Variants in RIMKLA observed in about 807,000 individuals in gnomAD.
The protein encoded by RIMKLA is N-acetylaspartylglutamate synthase A.
Under a neutral mutation model 32.7 loss-of-function variants are expected in RIMKLA, and 14 were observed. The observed-to-expected ratio is 0.43, with a 90% CI of 0.28 to 0.67. The LOEUF is 0.67. RIMKLA is among the 30% of genes least tolerant of loss of function. The probability of loss-of-function intolerance (pLI) is 0.18; values close to 1 mark genes in which losing one functional copy is unlikely to be tolerated. For missense variants in RIMKLA, 410 were observed against 519.0 expected (o/e 0.79, Z 2.04); for synonymous variants, 176 against 204.1 (o/e 0.86, Z 1.18).
intron 1 of RIMKLA, among the ~76,000 whole-genome samples, chr1:42,385,844 C>CTCTCTCTCTCTCTCTCTCTCTCTT (rs1184237388): frequency 3.5e-5 from 2 of 56,996 alleles, no homozygotes; most frequent in African/African-American, 1.3e-4. Context: ...TTCTTTCTTT[C>CTCTCTCTCTCTCTCTCTCTCTCTT]TCTTTCTTTC....
At chr1:42,407,388 T>C (rs1468104073) in intron 3 of RIMKLA, among the ~76,000 whole-genome samples, 1 of 152,220 alleles carries the variant, frequency 6.6e-6, no homozygotes, top group Admixed American at 6.5e-5. Flanking sequence ...GATGTCATTT[T>C]GTGCTTGCCT....
At chr1:42,395,610 C>T (rs1643036594) in intron 1 of RIMKLA, among the ~76,000 whole-genome samples, 1 of 152,176 alleles carries the variant, frequency 6.6e-6, no homozygotes. Context: ...TCCTGATATC[C>T]TGCATCAGCT....
intron 1 of RIMKLA, among the ~76,000 whole-genome samples, chr1:42,381,543 A>T (rs1642889193): frequency 6.6e-6 from 1 of 152,194 alleles, no homozygotes; most frequent in Admixed American, 6.5e-5. Context: ...TGTGAGCATC[A>T]GTAATGTGCA....
At chr1:42,386,335 ATC>A (rs1402605685) in intron 1 of RIMKLA, among the ~76,000 whole-genome samples, 3 of 151,858 alleles carry the variant, frequency 2.0e-5, no homozygotes, top group African/African-American at 7.3e-5. Flanking sequence ...TGTTTGTGTC[ATC>A]TCCACCCATC....
At position 42,414,845 on chromosome 1, in the gene RIMKLA, T is replaced by C. The variant is rs1055055; in HGVS notation, c.1047T>C (p.Ser349=). ...VYTINSGSTS[S]ESEPELGEIR... ...CCATCAACAGTGGGTCTACCTCTAGTGAAAGTGAGCCTGAACTGGGAGAGA... is the reference window on the plus strand; with the variant it reads ...CCATCAACAGTGGGTCTACCTCTAGCGAAAGTGAGCCTGAACTGGGAGAGA... The change falls in exon 5 of 5, where the codon AGT becomes AGC. Residue 349 remains serine, a synonymous_variant. Coordinates refer to ENST00000431473, the MANE Select transcript of RIMKLA (RefSeq NM_173642.4). 0.6 allele frequency: 973,559 copies of C among 1,613,792 alleles called. 297,098 individuals are homozygous for C. Among genetic ancestry groups the C allele is most frequent in the Middle Eastern group, 0.63 (3,830 of 6,062 alleles).
intron 1 of RIMKLA, among the ~76,000 whole-genome samples, chr1:42,389,216 T>C (rs571245043): frequency 6.6e-6 from 1 of 152,338 alleles, no homozygotes; most frequent in South Asian, 2.1e-4. Context: ...CAGTATGAGT[T>C]GCACATTAAA....
At chr1:42,384,255 A>C (rs367606894) in intron 1 of RIMKLA, among the ~76,000 whole-genome samples, 1 of 152,256 alleles carries the variant, frequency 6.6e-6, no homozygotes, top group East Asian at 1.9e-4. Context: ...AGAAAGGAAA[A>C]TGATCTTTAG....
chr1:42,414,571 G>T lies in RIMKLA; in HGVS notation c.773G>T (p.Gly258Val). 6.2e-7 allele frequency: 1 copy of T among 1,614,216 alleles called. No individual in the cohort carries two copies. Among genetic ancestry groups the T allele is most frequent in the Non-Finnish European group, 8.5e-7 (1 of 1,180,036 alleles). ...AACATCCTAGGCATGGACTTCTGTG[G>T]CATTGATCTCCTTATCATGGACGAT... ...VSNILGMDFC[G>V]IDLLIMDDGS... The change falls in exon 5 of 5, where the codon GGC (glycine) becomes GTC (valine). Residue 258 changes from glycine to valine, a missense_variant. By Grantham distance (109) the Gly-to-Val change is moderately radical. Transcript: ENST00000431473.
intron 4 of RIMKLA, chr1:42,412,329 A>ATC (rs950570322): frequency 4.0e-5 from 7 of 176,738 alleles, no homozygotes; most frequent in South Asian, 2.2e-4. Context: ...TCCTTTCCAT[A>ATC]TCTCTCTCTC....
intron 1 of RIMKLA, among the ~76,000 whole-genome samples, chr1:42,398,629 T>A (rs1643067524): frequency 6.6e-6 from 1 of 152,214 alleles, no homozygotes; most frequent in South Asian, 2.1e-4. Context: ...TATCCTGTTT[T>A]TTCACTTAAC....
Position 42,421,440 on chromosome 1 carries a change from C to T in RIMKLA, c.*6466C>T, listed in dbSNP as rs989117936. 4 of 152,282 alleles carry T rather than the reference C, an allele frequency of 2.6e-5. No homozygotes were observed. Among genetic ancestry groups the T allele is most frequent in the Non-Finnish European group, 5.9e-5 (4 of 68,134 alleles). The allele number at this position is 152,282 out of a possible 1,614,324, so 9.4% of individuals were successfully genotyped here. On this transcript the variant is annotated 3_prime_UTR_variant, in exon 5 of 5. Transcript: ENST00000431473. This position sits in a 1 kb window ranked among gnomAD's most constrained non-coding sequence, Gnocchi z 4.6. ...TGATAGTCTGACAGCACCATCTGGA[C>T]TTGGCAGGGATGACAGCCCTGAGAT...
chr1:42,412,184 A>G (rs1643204098), intron 4 of RIMKLA, among the ~76,000 whole-genome samples: 1 of 152,186 alleles, frequency 6.6e-6, no homozygotes, highest in South Asian at 2.1e-4. Flanking sequence ...TAAGGTAAAG[A>G]CACTAGTTAT....
rs1262941471 is a variant in RIMKLA, at chr1:42,423,710, G to C, written c.*8736G>C. Among the ~76,000 whole-genome samples, 2 of 152,140 alleles carry C rather than the reference G, an allele frequency of 1.3e-5. No homozygotes were observed. The highest frequency in any genetic ancestry group is 2.9e-5 in the Non-Finnish European group (2 of 68,030). ...CCCCTTCTACTTCCCAGAGTTACAT[G>C]GTGTCCCTCTAGGACTCTCCCAGCT... On this transcript the variant is annotated 3_prime_UTR_variant, in exon 5 of 5. Transcript: ENST00000431473.
Position 42,401,978 on chromosome 1 carries a change from G to A in RIMKLA, c.394+2344G>A, listed in dbSNP as rs753376972. 8.5e-5 allele frequency among the ~76,000 whole-genome samples: 13 copies of A among 152,104 alleles called. 1 individual carries two copies. In the East Asian group the frequency reaches 2.5e-3, roughly 29 times the overall value. On this transcript the variant is annotated intron_variant, in intron 2 of 4. Transcript: ENST00000431473. ...TTAGGAAGACCTCTCTTACTGCATC[G>A]AAAAGAAAGGAAGGAAGGATGGCTA...
intron 3 of RIMKLA, among the ~76,000 whole-genome samples, chr1:42,405,143 G>T (rs1312897867): frequency 7.9e-5 from 12 of 152,108 alleles, no homozygotes; most frequent in Non-Finnish European, 1.3e-4. Flanking sequence ...CTGCTCACTT[G>T]GTCAACTTCT....
intron 1 of RIMKLA, among the ~76,000 whole-genome samples, chr1:42,384,888 G>A (rs1026635449): frequency 1.3e-5 from 2 of 152,034 alleles, no homozygotes; most frequent in African/African-American, 2.4e-5. Flanking sequence ...TGCCTCAGAT[G>A]CCCACTGTTC....
intron 3 of RIMKLA, 75 bp from the exon 4 acceptor site, chr1:42,409,909 A>G (rs1273419757): frequency 8.7e-7 from 1 of 1,145,174 alleles, no homozygotes; most frequent in African/African-American, 1.5e-5. Flanking sequence ...GACTTTATGG[A>G]CAAGGAGGCC....
At chr1:42,390,778 A>T (rs10890191) in intron 1 of RIMKLA, among the ~76,000 whole-genome samples, 1 of 151,988 alleles carries the variant, frequency 6.6e-6, no homozygotes, top group African/African-American at 2.4e-5. Flanking sequence ...AAGGGTGCCC[A>T]TGAGACAAGT....
chr1:42,406,948 C>G (rs1378058769), intron 3 of RIMKLA, among the ~76,000 whole-genome samples: 1 of 150,296 alleles, frequency 6.7e-6, no homozygotes, highest in East Asian at 1.9e-4. Context: ...GAGATATGCT[C>G]TCGCTGGACT....
Sources: allele counts gnomAD v4.1 joint callset (sites outside exome capture counted in the v4.1 genomes callset), GRCh38; gene constraint gnomAD v4.1.1; non-coding constraint Gnocchi (gnomAD v3.1); transcripts MANE v1.5; gene names NCBI Gene and HGNC (gene_info 2026-07-23, HGNC 2026-07-21).